The following SPHKAP variants were observed in gnomAD, a reference collection of about 807,000 sequenced individuals.
SPHKAP encodes A-kinase anchor protein SPHKAP.
Under a neutral mutation model 137.5 loss-of-function variants are expected in SPHKAP, and 67 were observed. That is an observed-to-expected ratio of 0.49 (90% confidence interval 0.40 to 0.60). The LOEUF is 0.60. SPHKAP is among the 20% of genes least tolerant of loss of function. The pLI is 0.00. For synonymous variants in SPHKAP, 813 were observed against 785.3 expected (o/e 1.04, Z -0.59); for missense variants, 2,097 against 2,069.3 (o/e 1.01, Z -0.26).
intron 1 of SPHKAP, among the ~76,000 whole-genome samples, 165 bp from the exon 2 acceptor site, chr2:228,132,250 A>G (rs1407226416): frequency 6.6e-6 from 1 of 152,206 alleles, no homozygotes; most frequent in Admixed American, 6.5e-5. Context: ...TGTTGCATAC[A>G]CTTTTGTAAT....
intron 3 of SPHKAP, among the ~76,000 whole-genome samples, chr2:228,083,918 AC>A (rs2106318154): frequency 6.6e-6 from 1 of 152,098 alleles, no homozygotes; most frequent in East Asian, 1.9e-4. Context: ...GATATCACAC[AC>A]TGGGGCCTGT....
intron 1 of SPHKAP, among the ~76,000 whole-genome samples, chr2:228,149,590 T>TAGTCAC (rs1699870126): frequency 6.6e-6 from 1 of 152,224 alleles, no homozygotes; most frequent in Admixed American, 6.5e-5. Flanking sequence ...CAACCATCTG[T>TAGTCAC]AGTCACAGAA....
At chr2:228,010,210 T>C (rs891772197) in intron 7 of SPHKAP, among the ~76,000 whole-genome samples, 12 of 152,096 alleles carry the variant, frequency 7.9e-5, no homozygotes, top group Non-Finnish European at 1.8e-4. Context: ...AATCAGTTGT[T>C]TAATTCTGAC....
At chr2:228,119,969 T>C (rs1574866905) in intron 2 of SPHKAP, among the ~76,000 whole-genome samples, 5 of 152,180 alleles carry the variant, frequency 3.3e-5, no homozygotes, top group Admixed American at 3.3e-4. Flanking sequence ...TCATGCATTA[T>C]ACCATTGACA....
chr2:228,006,944 C>T (rs1318220879), intron 7 of SPHKAP, among the ~76,000 whole-genome samples: 1 of 152,206 alleles, frequency 6.6e-6, no homozygotes, highest in East Asian at 1.9e-4. Flanking sequence ...TGTCAGTCTT[C>T]CCCTACTGCG....
chr2:228,035,579 T>A, intron 3 of SPHKAP, among the ~76,000 whole-genome samples: 1 of 152,138 alleles, frequency 6.6e-6, no homozygotes, highest in East Asian at 1.9e-4. Context: ...GCCAAGTCAA[T>A]CCTAAGCCAA....
intron 1 of SPHKAP, among the ~76,000 whole-genome samples, chr2:228,167,234 A>G (rs190719701): frequency 4.5e-4 from 68 of 152,230 alleles, no homozygotes; most frequent in African/African-American, 1.5e-3. Context: ...ACTTTTTATA[A>G]CGATCCATGT....
intron 1 of SPHKAP, chr2:228,172,956 C>G: frequency 4.9e-6 from 4 of 819,994 alleles, no homozygotes; most frequent in Non-Finnish European, 5.9e-6. Flanking sequence ...CAAGTACAAT[C>G]CTGCCCTATG....
At chr2:228,172,992 C>T in intron 1 of SPHKAP, 1 of 977,562 alleles carries the variant, frequency 1.0e-6, no homozygotes, top group Non-Finnish European at 1.2e-6. Flanking sequence ...GGAAAACTTG[C>T]TGAATAGCAT....
At chr2:228,039,503 T>C (rs1322770268) in intron 3 of SPHKAP, among the ~76,000 whole-genome samples, 1 of 152,232 alleles carries the variant, frequency 6.6e-6, no homozygotes, top group African/African-American at 2.4e-5. Flanking sequence ...TTTATGACTC[T>C]CTTTTCATAA....
At chr2:228,098,759 TA>T (rs35722602) in intron 3 of SPHKAP, among the ~76,000 whole-genome samples, 113,222 of 138,676 alleles carry the variant, frequency 0.82, 46,154 homozygotes, top group East Asian at 0.95. Flanking sequence ...CCTTAAAGTA[TA>T]AAAAAAAAAA....
At chr2:228,057,594 G>C (rs1201997572) in intron 3 of SPHKAP, among the ~76,000 whole-genome samples, 1 of 152,100 alleles carries the variant, frequency 6.6e-6, no homozygotes, top group Non-Finnish European at 1.5e-5. Context: ...TGGGGGCAAG[G>C]ACTGAGAAAT....
chr2:228,134,112 G>A (rs1325188325), intron 1 of SPHKAP, among the ~76,000 whole-genome samples: 2 of 117,458 alleles, frequency 1.7e-5, no homozygotes, highest in Non-Finnish European at 1.8e-5. Context: ...AAGGAAGGAA[G>A]GGAGAGAGAG....
At chr2:228,079,195 A>G (rs866207805) in intron 3 of SPHKAP, among the ~76,000 whole-genome samples, 1 of 152,168 alleles carries the variant, frequency 6.6e-6, no homozygotes, top group African/African-American at 2.4e-5. Flanking sequence ...AGAGTGCGCA[A>G]TCTAGATCCC....
At chr2:228,008,157 C>T (rs1694212682) in intron 7 of SPHKAP, among the ~76,000 whole-genome samples, 1 of 152,084 alleles carries the variant, frequency 6.6e-6, no homozygotes, top group Non-Finnish European at 1.5e-5. Flanking sequence ...GTGTCTTTCA[C>T]AGAGCAAAAG....
intron 3 of SPHKAP, among the ~76,000 whole-genome samples, chr2:228,072,812 G>A (rs1361963869): frequency 2.0e-5 from 3 of 152,196 alleles, no homozygotes; most frequent in Admixed American, 1.3e-4. Context: ...CAGTTTTGCA[G>A]CCCAGGTGTC....
intron 7 of SPHKAP, among the ~76,000 whole-genome samples, chr2:228,005,663 G>C (rs1187431732): frequency 6.6e-6 from 1 of 152,146 alleles, no homozygotes; most frequent in Non-Finnish European, 1.5e-5. Flanking sequence ...TTTACAATTT[G>C]GCATGTTTTT....
chr2:227,988,941 G>T (rs1693311550), intron 11 of SPHKAP, among the ~76,000 whole-genome samples: 1 of 152,174 alleles, frequency 6.6e-6, no homozygotes, highest in Non-Finnish European at 1.5e-5. Context: ...AGAACAGCAG[G>T]CAGACATAGG....
rs899192548 is a variant in SPHKAP, at chr2:228,123,392, G to C, written c.138+8588C>G. On this transcript the variant is annotated intron_variant, in intron 2 of 11. Transcript: ENST00000392056. ...TGCTAGGTCAGAAGAGAGTGTTTGA[G>C]ACTTGAGAGTTGTTTATACTCCAGG... 2.0e-5 allele frequency among the ~76,000 whole-genome samples: 3 copies of C among 152,188 alleles called. 1 individual carries two copies. The East Asian group carries it at 5.8e-4, about 29-fold the overall frequency.
Sources: allele counts gnomAD v4.1 joint callset (sites outside exome capture counted in the v4.1 genomes callset), GRCh38; gene constraint gnomAD v4.1.1; transcripts MANE v1.5; gene names NCBI Gene and HGNC (gene_info 2026-07-23, HGNC 2026-07-21).